The following BCORL1 variants were observed in gnomAD, a reference collection of about 807,000 sequenced individuals.
BCORL1 encodes the protein BCL-6 corepressor-like protein 1.
BCORL1 carries 7 observed loss-of-function variants against 87.6 expected under a neutral mutation model. The ratio of observed to expected loss-of-function variants is 0.08; its 90% CI spans 0.05 to 0.15. BCORL1 has a LOEUF of 0.15. Ranked by LOEUF, BCORL1 falls within the 10% of genes least tolerant of loss-of-function variation. The pLI, the probability that BCORL1 is intolerant of heterozygous loss-of-function variation, is 1.00. For missense variants in BCORL1, 1,215 were observed against 1,499.7 expected (o/e 0.81, Z 3.13); for synonymous variants, 591 against 634.4 (o/e 0.93, Z 1.03).
intron 9 of BCORL1, among the ~76,000 whole-genome samples, chrX:130,036,289 C>G (rs1427773164): frequency 1.9e-5 from 2 of 105,802 alleles, no homozygotes; most frequent in Non-Finnish European, 3.9e-5. Flanking sequence ...GAGATGGAGT[C>G]TTGCTCTGTC....
Position 130,013,439 on chromosome X carries a change from G to A in BCORL1, c.667G>A (p.Val223Ile). The change falls in exon 4 of 14, where the codon GTT (valine) becomes ATT (isoleucine). Residue 223 changes from valine (V) to isoleucine (I), a missense_variant. By Grantham distance (29) the Val-to-Ile change is conservative (BLOSUM62 3). Transcript: ENST00000540052. ...CCACTCTGTTCCAGATGCATTCCAG[G>A]TTCCCCTCTCCGTCCCTGCCCCAGT... ...VPHSVPDAFQ[V>I]PLSVPAPVPH... 8.3e-7 allele frequency: 1 copy of A among 1,210,930 alleles called. No individual in the cohort carries two copies. The highest frequency in any genetic ancestry group is 1.8e-5 in the South Asian group (1 of 56,915).
intron 1 of BCORL1, among the ~76,000 whole-genome samples, chrX:129,986,201 A>G (rs1037502858): frequency 1.8e-5 from 2 of 111,982 alleles, no homozygotes; most frequent in Admixed American, 9.5e-5. Flanking sequence ...AAATTTTTTT[A>G]GAATAGGCCA....
In BCORL1 at chrX:130,020,980, C is replaced by T; in HGVS notation, c.3442-5C>T. ...CCTCAGACCTGACCCTCTACCTCTC[C>T]ACAGTGCCGGAAGCTGCCCAGTGAC... On this transcript the variant is annotated splice_region_variant and splice_polypyrimidine_tract_variant and intron_variant, in intron 4 of 13. Coordinates refer to ENST00000540052, the MANE Select transcript of BCORL1 (RefSeq NM_001379451.1). 1 of 1,161,620 alleles carries T rather than the reference C, an allele frequency of 8.6e-7. No individual in the cohort carries two copies. Among genetic ancestry groups the T allele is most frequent in the South Asian group, 2.0e-5 (1 of 49,687 alleles).
Position 130,051,974 on chromosome X carries a change from C to G in BCORL1, c.5033C>G (p.Pro1678Arg). ...TTCATGTTTGAACTCTCAGACAAGC[C>G]TCTTCTCCCTTGCTACAACCTCCAA... ...DDFMFELSDK[P>R]LLPCYNLQVS... is the part of the protein sequence containing the mutation. Residue 1678 changes from proline (P) to arginine (R), a missense_variant, in exon 13 of 14, where the codon CCT becomes CGT. Coordinates refer to ENST00000540052, the MANE Select transcript of BCORL1 (RefSeq NM_001379451.1). 1 of 1,207,325 alleles carries G rather than the reference C, an allele frequency of 8.3e-7. No homozygotes were observed. Among genetic ancestry groups the G allele is most frequent in the Non-Finnish European group, 1.1e-6 (1 of 893,237 alleles).
chrX:130,023,116 C>A (rs977668131), intron 6 of BCORL1, 139 bp downstream of exon 6: 2 of 536,193 alleles, frequency 3.7e-6, no homozygotes, highest in Admixed American at 6.0e-5. Context: ...CAGCTCCTTG[C>A]AGAGATAAGA....
rs1475955238 is a variant in BCORL1 at position 130,014,010 on chromosome X, C to T, written c.1238C>T (p.Ala413Val). 1.5e-5 allele frequency: 18 copies of T among 1,208,448 alleles called. No individual in the cohort carries two copies. The highest frequency in any genetic ancestry group is 1.9e-5 in the Non-Finnish European group (17 of 894,629). ...AAIPTSAPIP[A>V]SFSLSRVCFP... is the part of the protein sequence containing the mutation. ...ATTCCCACCTCTGCACCCATCCCGG[C>T]CTCCTTCAGTTTGAGTAGAGTGTGC... The change falls in exon 4 of 14, where the codon GCC (alanine) becomes GTC (valine). Residue 413 changes from alanine (A) to valine (V), a missense_variant. Ala to Val is a moderately conservative substitution (Grantham distance 64). Around this residue, in one of 5 missense-constraint regions of BCORL1, gnomAD observed 861 missense variants for 1,010.0 expected, o/e 0.85. Coordinates refer to ENST00000540052, the MANE Select transcript of BCORL1 (RefSeq NM_001379451.1).
intron 2 of BCORL1, among the ~76,000 whole-genome samples, chrX:130,006,045 A>G (rs1928464986): frequency 8.9e-6 from 1 of 111,826 alleles, no homozygotes; most frequent in Non-Finnish European, 1.9e-5. Context: ...TCAGATTTCT[A>G]CTGGGAACTG....
At position 130,018,981 on chromosome X, in the gene BCORL1, G is replaced by T. The variant is rs1217886178; in HGVS notation, c.3442-2004G>T. Among the ~76,000 whole-genome samples the T allele has an allele frequency of 2.7e-5, 3 of 112,115 alleles. No individual in the cohort carries two copies. The Admixed American group carries it at 2.8e-4, about 11-fold the overall frequency. Reference sequence around the variant, plus strand: ...CTGTTGCCAATACCACCTGCCCAAGGCCTCTCAGGATCCTAAAGGGCCTTC... The same window carrying T: ...CTGTTGCCAATACCACCTGCCCAAGTCCTCTCAGGATCCTAAAGGGCCTTC... On this transcript the variant is annotated intron_variant, in intron 4 of 13. Transcript: ENST00000540052.
In BCORL1 at chrX:130,037,276, C is replaced by T; in HGVS notation, c.4528-91C>T. 4 of 968,504 alleles carry T rather than the reference C, an allele frequency of 4.1e-6. No individual in the cohort carries two copies. In the South Asian group the frequency reaches 5.9e-5, roughly 14 times the overall value. The allele number at this position is 968,504 out of a possible 1,213,427, so 79.8% of individuals were successfully genotyped here. ...CTATAAAGGGCAGGCTCTGAGACTC[C>T]TCAGATATTTGGGGAGCTTTGAGTC... On this transcript the variant is annotated intron_variant, in intron 9 of 13. Transcript: ENST00000540052.
chrX:130,008,078 C>T (rs1603097221), intron 2 of BCORL1, among the ~76,000 whole-genome samples: 1 of 109,621 alleles, frequency 9.1e-6, no homozygotes, highest in South Asian at 4.0e-4. Flanking sequence ...TGTGCACCAC[C>T]ATGCCTGGCT....
rs778386483 is a variant in BCORL1, at chrX:130,028,685, C to T, written c.4129C>T (p.Arg1377Cys). The change falls in exon 8 of 14, where the codon CGC (arginine) becomes TGC (cysteine). Residue 1377 changes from arginine to cysteine, a missense_variant. By Grantham distance (180) the Arg-to-Cys change is radical. Around this residue, in one of 5 missense-constraint regions of BCORL1, gnomAD observed 166 missense variants for 196.5 expected, o/e 0.84. Transcript: ENST00000540052. ...TTCCTCCTCCCAAAGTTTGGAGCACCGCCTCAGGAACAGGAACCTTCTCTT... is the reference window on the plus strand; with the variant it reads ...TTCCTCCTCCCAAAGTTTGGAGCACTGCCTCAGGAACAGGAACCTTCTCTT... ...KTSSSQSLEH[R>C]LRNRNLLLPN... is the part of the protein sequence containing the mutation. 9 of 1,210,786 alleles carry T rather than the reference C, an allele frequency of 7.4e-6. No individual in the cohort carries two copies. The highest frequency in any genetic ancestry group is 1.8e-5 in the South Asian group (1 of 56,934).
intron 7 of BCORL1, among the ~76,000 whole-genome samples, chrX:130,027,260 A>G (rs1468138702): frequency 8.9e-6 from 1 of 112,693 alleles, no homozygotes; most frequent in Non-Finnish European, 1.9e-5. Flanking sequence ...CCTCAGCCCA[A>G]ATGTGTCGCA....
intron 8 of BCORL1, among the ~76,000 whole-genome samples, chrX:130,030,549 C>T (rs185033109): frequency 8.1e-5 from 9 of 110,591 alleles, no homozygotes; most frequent in African/African-American, 2.0e-4. Flanking sequence ...AGCCATGGCT[C>T]GTTCCATATG....
chrX:130,000,896 T>TTG (rs61288678), intron 1 of BCORL1, among the ~76,000 whole-genome samples: 10,074 of 98,041 alleles, frequency 0.1, 561 homozygotes, highest in Admixed American at 0.24. Context: ...GGTGGATGCT[T>TTG]TGTGTGTGTG....
upstream of BCORL1, among the ~76,000 whole-genome samples, chrX:129,980,734 A>C (rs1382782132): frequency 1.1e-5 from 1 of 89,603 alleles, no homozygotes; most frequent in Non-Finnish European, 2.1e-5. Context: ...TGGGTGGCGA[A>C]GTAGGACGTG....
chrX:129,990,945 G>T (rs1927093151), intron 1 of BCORL1, among the ~76,000 whole-genome samples: 1 of 110,794 alleles, frequency 9.0e-6, no homozygotes, highest in Non-Finnish European at 1.9e-5. Flanking sequence ...TTTATTGATT[G>T]ATTTATTTGA....
Position 130,054,247 on chromosome X carries a change from A to G in BCORL1, c.5076-1607A>G, listed in dbSNP as rs141178978. 4.1e-3 allele frequency among the ~76,000 whole-genome samples: 466 copies of G among 112,515 alleles called. 4 individuals carry two copies. Among genetic ancestry groups the G allele is most frequent in the African/African-American group, 0.014 (433 of 31,041 alleles). On this transcript the variant is annotated intron_variant, in intron 13 of 13. Transcript: ENST00000540052. ...CAGTCCACCCTGAGCCCCCATTGCTATGCTGCAGAGTGAACCACAGTTTAA... is the reference window on the plus strand; with the variant it reads ...CAGTCCACCCTGAGCCCCCATTGCTGTGCTGCAGAGTGAACCACAGTTTAA...
chrX:130,037,505 G>A lies in BCORL1; in HGVS notation c.4666G>A (p.Val1556Met), dbSNP rs1931028170. Residue 1556 changes from valine to methionine, a missense_variant, in exon 10 of 14, where the codon GTG becomes ATG. Transcript: ENST00000540052. ...LNILLEHGAN[V>M]NCSAQDGTRP... ...CATCCTGCTGGAGCACGGGGCCAAC[G>A]TGAACTGCAGTGCGCAGGACGGCAC... 8.3e-7 allele frequency: 1 copy of A among 1,210,989 alleles called. No homozygotes were observed. The highest frequency in any genetic ancestry group is 1.8e-5 in the South Asian group (1 of 56,876).
Position 130,016,171 on chromosome X carries a change from G to A in BCORL1, c.3399G>A (p.Gln1133=). ...AGGACAGTGAAGAGCAGCAGCTCCA[G>A]CCACAAGCCAAGGCCGTGGTCCGGA... is the stretch of plus-strand genomic sequence containing the variant. ...KEKDSEEQQL[Q]PQAKAVVRSS... is the part of the protein sequence containing the mutation. The change falls in exon 4 of 14, where the codon CAG becomes CAA. Residue 1133 remains glutamine, a synonymous_variant. Transcript: ENST00000540052. The A allele has an allele frequency of 1.7e-6, 2 of 1,209,397 alleles. No individual in the cohort carries two copies. Among genetic ancestry groups the A allele is most frequent in the Non-Finnish European group, 2.2e-6 (2 of 894,444 alleles).
Sources: allele counts gnomAD v4.1 joint callset (sites outside exome capture counted in the v4.1 genomes callset), GRCh38; gene constraint gnomAD v4.1.1; regional missense constraint gnomAD v4.1.1; transcripts MANE v1.5; gene names NCBI Gene and HGNC (gene_info 2026-07-23, HGNC 2026-07-21).